The following RAD9B variants were observed in gnomAD, a reference collection of about 807,000 sequenced individuals.
The protein encoded by RAD9B is RAD9 checkpoint clamp component B.
In RAD9B, 41 loss-of-function variants were observed where a neutral mutation model predicts 48.3. The observed-to-expected ratio is 0.85, with a 90% CI of 0.66 to 1.10. The LOEUF is 1.10. Among genes scored for constraint, RAD9B ranks in the 50% least tolerant of loss-of-function variants. The probability of loss-of-function intolerance (pLI) is 0.00; values close to 1 mark genes in which losing one functional copy is unlikely to be tolerated. For synonymous variants in RAD9B, 160 were observed against 157.9 expected (o/e 1.01, Z -0.10); for missense variants, 444 against 485.1 (o/e 0.92, Z 0.80).
intron 10 of RAD9B, among the ~76,000 whole-genome samples, chr12:110,526,841 G>A (rs1490975746): frequency 1.3e-5 from 2 of 151,292 alleles, no homozygotes; most frequent in African/African-American, 2.4e-5. Context: ...CCCAGGAGGC[G>A]GAGCTTGCAG....
chr12:110,503,868 A>G lies in RAD9B; in HGVS notation c.109A>G (p.Lys37Glu). ...ISDEFWLDPSKKGLALRCVNS... is the reference protein window; with the variant it reads ...ISDEFWLDPSEKGLALRCVNS... Reference sequence around the variant, plus strand: ...TGACGAGTTCTGGCTAGACCCATCTAAAAAAGGTGTAAGTAAGAAAGTTAA... The same window carrying G: ...TGACGAGTTCTGGCTAGACCCATCTGAAAAAGGTGTAAGTAAGAAAGTTAA... Residue 37 changes from lysine (K) to glutamate (E), a missense_variant, in exon 2 of 11, where the codon AAA (lysine) becomes GAA (glutamate). By Grantham distance (56) the Lys-to-Glu change is moderately conservative (BLOSUM62 1). Transcript: ENST00000409300. 6.4e-7 allele frequency: 1 copy of G among 1,558,376 alleles called. No individual in the cohort carries two copies. Among genetic ancestry groups the G allele is most frequent in the South Asian group, 1.2e-5 (1 of 83,454 alleles).
intron 10 of RAD9B, among the ~76,000 whole-genome samples, chr12:110,525,532 C>A (rs1345474557): frequency 6.6e-6 from 1 of 152,130 alleles, no homozygotes; most frequent in Non-Finnish European, 1.5e-5. Context: ...AAGAATTCAA[C>A]AGAGTAATAA....
chr12:110,520,628 C>CTTTTTTTTTTTTTTTTTTT (rs71083129), intron 9 of RAD9B, among the ~76,000 whole-genome samples: 399 of 99,696 alleles, frequency 4.0e-3, no homozygotes, highest in Non-Finnish European at 4.3e-3. Context: ...TTCTTGCTTT[C>CTTTTTTTTTTTTTTTTTTT]TTTTTTTTTT....
intron 4 of RAD9B, among the ~76,000 whole-genome samples, chr12:110,512,513 CAAG>C (rs965561194): frequency 6.6e-6 from 1 of 152,064 alleles, no homozygotes; most frequent in African/African-American, 2.4e-5. Flanking sequence ...AAAAGAAGAA[CAAG>C]AAGAAGAAGG....
At chr12:110,509,228 A>G (rs886567749) in intron 4 of RAD9B, among the ~76,000 whole-genome samples, 1 of 151,722 alleles carries the variant, frequency 6.6e-6, no homozygotes, top group Admixed American at 6.6e-5. Flanking sequence ...TTGGCCTTCC[A>G]AAGTGCTGGA....
At chr12:110,508,791 T>C (rs2063368442) in intron 4 of RAD9B, among the ~76,000 whole-genome samples, 1 of 151,918 alleles carries the variant, frequency 6.6e-6, no homozygotes, top group African/African-American at 2.4e-5. Flanking sequence ...TTTCTTTTCT[T>C]TTCTTTTTTT....
At position 110,530,883 on chromosome 12, in the gene RAD9B, T is replaced by C. The variant is rs2064118963; in HGVS notation, c.*230T>C. ...TATGCTACTTGTGAGGCAGAAGAGT[T>C]TTCTGTGAAGGAAAAAAGCCCATTA... On this transcript the variant is annotated 3_prime_UTR_variant, in exon 11 of 11. Coordinates refer to ENST00000409300, the MANE Select transcript of RAD9B (RefSeq NM_001286535.2). 7.9e-7 allele frequency: 1 copy of C among 1,258,160 alleles called. No individual in the cohort carries two copies. The highest frequency in any genetic ancestry group is 1.0e-6 in the Non-Finnish European group (1 of 996,760). The allele number at this position is 1,258,160 out of a possible 1,614,324, so 77.9% of individuals were successfully genotyped here. A position where few individuals can be genotyped will look rare whatever the true frequency, so the allele number is the denominator to read the frequency against.
intron 4 of RAD9B, among the ~76,000 whole-genome samples, chr12:110,509,857 G>A (rs1187358561): frequency 2.0e-5 from 3 of 152,020 alleles, no homozygotes; most frequent in Non-Finnish European, 4.4e-5. Context: ...GTTCTAGGGT[G>A]GCAGGAGTCA....
In RAD9B at chr12:110,533,495, C is replaced by A. The variant is rs2064186817; in HGVS notation, c.*2842C>A. On this transcript the variant is annotated 3_prime_UTR_variant, in exon 11 of 11. Transcript: ENST00000409300. The stretch of plus-strand genomic sequence containing the variant: ...AACAGTTAAAATTCTGACATGGACA[C>A]GTTTTAGTTGAGAAGTTCAATTTTG... 1 of 152,078 alleles carries A rather than the reference C, an allele frequency of 6.6e-6. No homozygotes were observed. Among genetic ancestry groups the A allele is most frequent in the Non-Finnish European group, 1.5e-5 (1 of 68,016 alleles). 9.4% of individuals were successfully genotyped at this position (152,078 alleles called of 1,614,324 possible).
At chr12:110,504,705 T>G (rs2063208724) in intron 2 of RAD9B, among the ~76,000 whole-genome samples, 1 of 151,990 alleles carries the variant, frequency 6.6e-6, no homozygotes, top group Non-Finnish European at 1.5e-5. Flanking sequence ...ACATTAAGGT[T>G]AAGGCTCATG....
At position 110,522,164 on chromosome 12, in the gene RAD9B, A is replaced by G; in HGVS notation, c.891-13A>G. ...TAAACAGTTCATTCATTTAATGCCT[A>G]TTAATACCTCAGGTCAGATCTGATT... is the stretch of plus-strand genomic sequence containing the variant. On this transcript the variant is annotated splice_polypyrimidine_tract_variant and intron_variant, in intron 9 of 10. Transcript: ENST00000409300. 6.5e-6 allele frequency: 10 copies of G among 1,529,024 alleles called. No homozygotes were observed. The highest frequency in any genetic ancestry group is 2.0e-5 in the Admixed American group (1 of 50,496). The allele number at this position is 1,529,024 out of a possible 1,614,324, so 94.7% of individuals were successfully genotyped here. A position where few individuals can be genotyped will look rare whatever the true frequency, so the allele number is the denominator to read the frequency against.
chr12:110,507,862 C>T (rs2063344602), intron 4 of RAD9B, among the ~76,000 whole-genome samples: 1 of 151,662 alleles, frequency 6.6e-6, no homozygotes, highest in Non-Finnish European at 1.5e-5. Flanking sequence ...GTTGGTCAGG[C>T]AGGTCTGAAA....
chr12:110,507,210 C>T (rs527946622), intron 4 of RAD9B, among the ~76,000 whole-genome samples: 40 of 151,794 alleles, frequency 2.6e-4, no homozygotes, highest in Admixed American at 5.9e-4. Flanking sequence ...GTAAGATGAT[C>T]GGTATTATTT....
In RAD9B at chr12:110,515,048, A is replaced by G; in HGVS notation, c.489-2A>G. The G allele has an allele frequency of 6.6e-7, 1 of 1,525,506 alleles. No individual in the cohort carries two copies. The allele number at this position is 1,525,506 out of a possible 1,614,324, so 94.5% of individuals were successfully genotyped here. A position where few individuals can be genotyped will look rare whatever the true frequency, so the allele number is the denominator to read the frequency against. ...GTTAATACTGTTCTTTACATTTTAT[A>G]GATTGCTTGCTGATGCCATTGTTCT... On this transcript the variant is annotated splice_acceptor_variant, in intron 5 of 10. Transcript: ENST00000409300. LOFTEE classifies it high-confidence loss of function.
At chr12:110,519,625 G>T (rs531866719) in intron 8 of RAD9B, among the ~76,000 whole-genome samples, 169 bp from the exon 9 acceptor site, 1 of 151,840 alleles carries the variant, frequency 6.6e-6, no homozygotes, top group Non-Finnish European at 1.5e-5. Context: ...TAGTAGAGAC[G>T]GGGTTTCTTC....
chr12:110,502,639 CG>C (rs1301124864), intron 1 of RAD9B: 3 of 506,578 alleles, frequency 5.9e-6, no homozygotes, highest in Non-Finnish European at 1.1e-5. Flanking sequence ...GCCACAAACT[CG>C]GGATGCTGAG....
chr12:110,522,461 C>T, intron 10 of RAD9B, 50 bp downstream of exon 10: 1 of 1,349,254 alleles, frequency 7.4e-7, no homozygotes, highest in East Asian at 2.5e-5. Context: ...TCTCATCTGT[C>T]TCCCTTTGCA....
intron 10 of RAD9B, among the ~76,000 whole-genome samples, chr12:110,529,178 G>A (rs981422254): frequency 2.0e-5 from 3 of 151,574 alleles, no homozygotes; most frequent in African/African-American, 7.3e-5. Flanking sequence ...ATGGAGTTTC[G>A]CTCTTGTTGC....
At position 110,530,607 on chromosome 12, in the gene RAD9B, G is replaced by A; in HGVS notation, c.1208G>A (p.Ser403Asn). 1.2e-6 allele frequency: 2 copies of A among 1,613,996 alleles called. No homozygotes were observed. The part of the protein sequence containing the change: ...NHPFDSLARA[S>N]DSEEDMNNGS... ...CCTTTCGACAGTCTGGCAAGAGCAA[G>A]TGACAGTGAAGAGGACATGAATAAT... Residue 403 changes from serine to asparagine, a missense_variant, in exon 11 of 11, where the codon AGT (serine) becomes AAT (asparagine). Physicochemically the swap from Ser to Asn is conservative, Grantham distance 46. Transcript: ENST00000409300.
Sources: allele counts gnomAD v4.1 joint callset (sites outside exome capture counted in the v4.1 genomes callset), GRCh38; gene constraint gnomAD v4.1.1; transcripts MANE v1.5; gene names NCBI Gene and HGNC (gene_info 2026-07-23, HGNC 2026-07-21).